Variants in TLCD4 observed in about 807,000 individuals in gnomAD.
The protein encoded by TLCD4 is TLC domain-containing protein 4.
Under a neutral mutation model 24.2 loss-of-function variants are expected in TLCD4, and 7 were observed. That is an observed-to-expected ratio of 0.29 (90% CI 0.16 to 0.54). The LOEUF (loss-of-function observed/expected upper bound fraction) is 0.54. Ranked by LOEUF, TLCD4 falls within the 20% of genes least tolerant of loss-of-function variation. The probability of loss-of-function intolerance (pLI) is 0.95; values close to 1 mark genes in which losing one functional copy is unlikely to be tolerated. For synonymous variants in TLCD4, 103 were observed against 106.4 expected (o/e 0.97, Z 0.20); for missense variants, 259 against 313.9 (o/e 0.82, Z 1.32).
intron 5 of TLCD4, chr1:95,164,318 T>A (rs1363317334): frequency 6.6e-6 from 1 of 152,398 alleles, no homozygotes; most frequent in Non-Finnish European, 1.5e-5. Context: ...GGATATAATC[T>A]CCTGGTGTGC....
In TLCD4 at chr1:95,192,114, G is replaced by A. The variant is rs1325250833; in HGVS notation, c.*246G>A. On this transcript the variant is annotated 3_prime_UTR_variant, in exon 7 of 7. Transcript: ENST00000370203. ...AGTTCGAGACTAGCTTGGCCAACATGGTGAAACCTCATCTCTACTAAAAAT... is the reference window on the plus strand; with the variant it reads ...AGTTCGAGACTAGCTTGGCCAACATAGTGAAACCTCATCTCTACTAAAAAT... The A allele has an allele frequency of 1.3e-5, 9 of 678,588 alleles. No homozygotes were observed. Among genetic ancestry groups the A allele is most frequent in the Non-Finnish European group, 1.9e-5 (9 of 479,696 alleles). 42.0% of individuals were successfully genotyped at this position (678,588 alleles called of 1,614,324 possible). A position where few individuals can be genotyped will look rare whatever the true frequency, so the allele number is the denominator to read the frequency against.
chr1:95,158,188 C>CTTTTTTTTTTTTT (rs5776255), intron 5 of TLCD4, among the ~76,000 whole-genome samples: 1 of 128,794 alleles, frequency 7.8e-6, no homozygotes, highest in African/African-American at 2.9e-5. Flanking sequence ...TTAATTTTTT[C>CTTTTTTTTTTTTT]TTTTTTTTTT....
At chr1:95,116,890 C>T (rs928823526), upstream of TLCD4, among the ~76,000 whole-genome samples, 12 of 152,216 alleles carry the variant, frequency 7.9e-5, no homozygotes, top group Admixed American at 7.9e-4. Context: ...TATGCACCTG[C>T]AGCCCCAAAG....
At chr1:95,182,280 T>C (rs1254132998) in intron 6 of TLCD4, among the ~76,000 whole-genome samples, 1 of 152,104 alleles carries the variant, frequency 6.6e-6, no homozygotes, top group African/African-American at 2.4e-5. Flanking sequence ...TGTTTTTTTT[T>C]TCAAGTAAAA....
intron 1 of TLCD4, among the ~76,000 whole-genome samples, chr1:95,119,292 G>T (rs752123925): frequency 2.0e-5 from 3 of 152,116 alleles, no homozygotes; most frequent in Non-Finnish European, 4.4e-5. Context: ...GCAAGAGTTG[G>T]CCTGTCTTTT....
Position 95,177,505 on chromosome 1 carries a change from G to A in TLCD4, c.473+3616G>A, listed in dbSNP as rs139715526. On this transcript the variant is annotated intron_variant, in intron 6 of 6. Transcript: ENST00000370203. Reference sequence around the variant, plus strand: ...GAAGATGTTCAGGACAATTGACAGGGCTCCCTAGTTCTGTGTGCCTAGGGT... The same window carrying A: ...GAAGATGTTCAGGACAATTGACAGGACTCCCTAGTTCTGTGTGCCTAGGGT... 8.5e-5 allele frequency among the ~76,000 whole-genome samples: 13 copies of A among 152,252 alleles called. 1 individual carries two copies. In the East Asian group the frequency reaches 2.3e-3, roughly 27 times the overall value.
At chr1:95,170,661 G>T (rs1468656264) in intron 5 of TLCD4, among the ~76,000 whole-genome samples, 3 of 152,032 alleles carry the variant, frequency 2.0e-5, no homozygotes, top group Non-Finnish European at 4.4e-5. Context: ...GTTTATGTCT[G>T]GTGTCTGGCT....
chr1:95,181,602 T>C (rs1201816554), intron 6 of TLCD4, among the ~76,000 whole-genome samples: 5 of 147,268 alleles, frequency 3.4e-5, no homozygotes, highest in Non-Finnish European at 5.9e-5. Context: ...TTTATTTATT[T>C]ATTTTTTTTT....
intron 6 of TLCD4, among the ~76,000 whole-genome samples, chr1:95,179,251 G>A (rs143838187): frequency 3.5e-4 from 54 of 152,354 alleles, no homozygotes; most frequent in South Asian, 2.3e-3. Flanking sequence ...GGAACCTACA[G>A]CTATGTGTGA....
At chr1:95,151,857 G>A (rs1677503189) in intron 5 of TLCD4, among the ~76,000 whole-genome samples, 1 of 152,032 alleles carries the variant, frequency 6.6e-6, no homozygotes. Context: ...ATCTTGCTCA[G>A]ACTTTTTCAG....
At chr1:95,140,873 T>A (rs1329610075) in intron 1 of TLCD4, 1 of 152,234 alleles carries the variant, frequency 6.6e-6, no homozygotes, top group African/African-American at 2.4e-5. Context: ...TCTTGCCTGA[T>A]TCATGCATTA....
intron 5 of TLCD4, chr1:95,163,288 A>G (rs1677891048): frequency 6.6e-6 from 1 of 152,178 alleles, no homozygotes; most frequent in South Asian, 2.1e-4. Flanking sequence ...CACTTGATCA[A>G]ATCGGCTACT....
the TLCD4 span, among the ~76,000 whole-genome samples, chr1:95,097,393 A>G: frequency 6.6e-6 from 1 of 152,220 alleles, no homozygotes. Flanking sequence ...ATGACTCAAG[A>G]TGTTTTCCTC....
chr1:95,107,636 A>G, the TLCD4 span, among the ~76,000 whole-genome samples: 1 of 152,070 alleles, frequency 6.6e-6, no homozygotes, highest in Admixed American at 6.6e-5. Flanking sequence ...GTCTATGAAA[A>G]CCACTTATGA....
intron 1 of TLCD4, among the ~76,000 whole-genome samples, chr1:95,128,865 A>G (rs1676812901): frequency 6.6e-6 from 1 of 152,198 alleles, no homozygotes. Flanking sequence ...ATGTACAAGG[A>G]AAGATAGGAT....
intron 5 of TLCD4, among the ~76,000 whole-genome samples, chr1:95,161,562 C>G (rs1044099249): frequency 6.6e-6 from 1 of 152,080 alleles, no homozygotes; most frequent in African/African-American, 2.4e-5. Context: ...AGTGTTTGCT[C>G]TTGCTTTTCT....
At chr1:95,159,766 C>A (rs1211173177) in intron 5 of TLCD4, among the ~76,000 whole-genome samples, 1 of 152,134 alleles carries the variant, frequency 6.6e-6, no homozygotes, top group African/African-American at 2.4e-5. Context: ...ATAGGGAATC[C>A]TTTCCCCATT....
chr1:95,150,130 T>G (rs2100945975), intron 3 of TLCD4, 78 bp from the exon 4 acceptor site: 1 of 1,493,150 alleles, frequency 6.7e-7, no homozygotes, highest in Non-Finnish European at 8.9e-7. Context: ...TTTATTATAT[T>G]TAAATCTCTA....
chr1:95,115,490 A>G (rs150061747), upstream of TLCD4, among the ~76,000 whole-genome samples: 119 of 152,296 alleles, frequency 7.8e-4, no homozygotes, highest in Middle Eastern at 3.4e-3. Flanking sequence ...CTACCTCCTA[A>G]GGTCACTGAG....
Sources: allele counts gnomAD v4.1 joint callset (sites outside exome capture counted in the v4.1 genomes callset), GRCh38; gene constraint gnomAD v4.1.1; transcripts MANE v1.5; gene names NCBI Gene and HGNC (gene_info 2026-07-23, HGNC 2026-07-21).